The following DAB1 variants were observed in gnomAD, a reference collection of about 807,000 sequenced individuals.
DAB1 encodes the protein disabled homolog 1.
A neutral mutation model predicts 64.6 loss-of-function variants in DAB1; 15 were observed. That is an observed-to-expected ratio of 0.23 (90% CI 0.16 to 0.36). The LOEUF (loss-of-function observed/expected upper bound fraction) is 0.36. Among genes scored for constraint, DAB1 ranks in the 10% least tolerant of loss-of-function variants. The pLI is 1.00. For missense variants in DAB1, 596 were observed against 706.7 expected, an observed-to-expected ratio of 0.84 and a Z score of 1.78; for synonymous variants, 235 against 251.9, an observed-to-expected ratio of 0.93 and a Z score of 0.64.
chr1:57,271,740 G>A (rs1671017441), intron 2 of DAB1, among the ~76,000 whole-genome samples: 1 of 152,204 alleles, frequency 6.6e-6, no homozygotes, highest in Admixed American at 6.5e-5. Context: ...TGGAGGAAGT[G>A]CCATCTAGGC....
chr1:58,187,034 G>A (rs2100216973), intron 4 of DAB1, among the ~76,000 whole-genome samples: 1 of 152,270 alleles, frequency 6.6e-6, no homozygotes, highest in African/African-American at 2.4e-5. Context: ...GAAGCATTAG[G>A]ACTATTACTG....
At chr1:57,970,642 AT>A (rs1162261791) in intron 5 of DAB1, among the ~76,000 whole-genome samples, 1 of 152,184 alleles carries the variant, frequency 6.6e-6, no homozygotes, top group Non-Finnish European at 1.5e-5. Context: ...TGAATAAGAA[AT>A]ACTTTCCCTT....
At chr1:58,279,752 C>A (rs1661514825) in intron 4 of DAB1, among the ~76,000 whole-genome samples, 1 of 152,120 alleles carries the variant, frequency 6.6e-6, no homozygotes, top group Admixed American at 6.5e-5. Context: ...AGCTGCCATG[C>A]TTATCTGCCC....
intron 3 of DAB1, among the ~76,000 whole-genome samples, chr1:58,489,241 C>A (rs993740098): frequency 1.3e-5 from 2 of 152,200 alleles, no homozygotes; most frequent in African/African-American, 4.8e-5. Context: ...GTCACTCCCA[C>A]CCTAATACTG....
intron 6 of DAB1, among the ~76,000 whole-genome samples, chr1:57,721,013 T>C (rs529885505): frequency 6.6e-6 from 1 of 152,328 alleles, no homozygotes; most frequent in South Asian, 2.1e-4. Flanking sequence ...ATTGCAGTCC[T>C]TCATTAGCTT....
At chr1:57,869,919 G>A (rs1446257561) in intron 1 of DAB1, among the ~76,000 whole-genome samples, 3 of 152,108 alleles carry the variant, frequency 2.0e-5, no homozygotes, top group Non-Finnish European at 2.9e-5. Flanking sequence ...CTGGCTGCAT[G>A]AGAAGTTTTC....
chr1:57,435,189 C>G (rs1313020864), intron 7 of DAB1, among the ~76,000 whole-genome samples: 1 of 151,714 alleles, frequency 6.6e-6, no homozygotes, highest in Non-Finnish European at 1.5e-5. Context: ...GCTGGGACTA[C>G]AGGCACTTGC....
At chr1:57,149,240 TG>T (rs1354959560) in intron 2 of DAB1, among the ~76,000 whole-genome samples, 1 of 152,210 alleles carries the variant, frequency 6.6e-6, no homozygotes, top group Non-Finnish European at 1.5e-5. Context: ...CATAGATCTT[TG>T]GGTTGTTTCC....
intron 5 of DAB1, among the ~76,000 whole-genome samples, chr1:58,046,435 T>G (rs1647259936): frequency 6.6e-6 from 1 of 152,192 alleles, no homozygotes; most frequent in African/African-American, 2.4e-5. Flanking sequence ...GAAGAACTTC[T>G]TTTTTTGTTG....
At chr1:57,456,127 T>G (rs1411296977) in intron 7 of DAB1, among the ~76,000 whole-genome samples, 1 of 152,174 alleles carries the variant, frequency 6.6e-6, no homozygotes, top group East Asian at 1.9e-4. Context: ...CTAGGTCTGT[T>G]TCCTAGGATC....
At chr1:58,001,202 T>G (rs1646501734) in intron 5 of DAB1, among the ~76,000 whole-genome samples, 1 of 152,006 alleles carries the variant, frequency 6.6e-6, no homozygotes, top group Non-Finnish European at 1.5e-5. Context: ...TCCTCCCTAC[T>G]TTTTTTCTGG....
At chr1:57,520,251 T>G (rs907223595) in intron 7 of DAB1, among the ~76,000 whole-genome samples, 3 of 152,242 alleles carry the variant, frequency 2.0e-5, no homozygotes, top group African/African-American at 7.2e-5. Flanking sequence ...TTTGTAACTT[T>G]GAATCCCAGG....
intron 5 of DAB1, among the ~76,000 whole-genome samples, chr1:58,123,537 C>T (rs748363727): frequency 6.6e-6 from 1 of 152,108 alleles, no homozygotes; most frequent in Non-Finnish European, 1.5e-5. Context: ...AAACAGTTTA[C>T]CTTGACGAAG....
intron 2 of DAB1, among the ~76,000 whole-genome samples, chr1:57,257,715 G>T (rs764251380): frequency 6.6e-6 from 1 of 152,208 alleles, no homozygotes; most frequent in Non-Finnish European, 1.5e-5. Context: ...CTGACGTTAA[G>T]TTATCATGAG....
At chr1:57,788,668 C>T (rs182787990) in intron 6 of DAB1, among the ~76,000 whole-genome samples, 103 of 152,274 alleles carry the variant, frequency 6.8e-4, no homozygotes, top group African/African-American at 1.7e-3. Context: ...CCAGTTTGGA[C>T]GCCAGCTCTG....
At chr1:57,275,714 G>A (rs563808836) in intron 2 of DAB1, among the ~76,000 whole-genome samples, 19 of 152,242 alleles carry the variant, frequency 1.2e-4, no homozygotes, top group Admixed American at 1.1e-3. Flanking sequence ...CTTAATTCCC[G>A]TGCTTTACTA....
chr1:58,058,254 C>T (rs1012039926), intron 5 of DAB1, among the ~76,000 whole-genome samples: 10 of 152,090 alleles, frequency 6.6e-5, no homozygotes, highest in Non-Finnish European at 1.3e-4. Context: ...CAACTTGCTA[C>T]CTTATGAGGT....
At chr1:57,756,264 C>A (rs556709873) in intron 6 of DAB1, among the ~76,000 whole-genome samples, 1 of 152,202 alleles carries the variant, frequency 6.6e-6, no homozygotes, top group Admixed American at 6.5e-5. Context: ...GGGATGTAGA[C>A]AACTCAACTT....
chr1:58,008,238 A>T (rs1457622011), intron 5 of DAB1, among the ~76,000 whole-genome samples: 1 of 152,194 alleles, frequency 6.6e-6, no homozygotes, highest in Non-Finnish European at 1.5e-5. Context: ...CTGGGATTCA[A>T]ATCCAGAACC....
Sources: allele counts gnomAD v4.1 joint callset (sites outside exome capture counted in the v4.1 genomes callset), GRCh38; gene constraint gnomAD v4.1.1; transcripts MANE v1.5; gene names NCBI Gene and HGNC (gene_info 2026-07-23, HGNC 2026-07-21).